The following IRGM variants were observed in gnomAD, a reference collection of about 807,000 sequenced individuals.
IRGM encodes immunity related GTPase M.
For synonymous variants in IRGM, 98 were observed against 80.6 expected, an observed-to-expected ratio of 1.22 and a Z score of -1.16; for missense variants, 288 against 219.9, an observed-to-expected ratio of 1.31 and a Z score of -1.96.
At position 150,848,528 on chromosome 5, in the gene IRGM, G is replaced by A. The variant is rs571237774; in HGVS notation, c.405G>A (p.Glu135=). 1 of 1,551,802 alleles carries A rather than the reference G, an allele frequency of 6.4e-7. No homozygotes were observed. The highest frequency in any genetic ancestry group is 2.4e-5 in the East Asian group (1 of 41,060). Reference sequence around the variant, plus strand: ...ATGTGATGCTTGCCAAAACCGCTGAGGACATGGGAAAGAAGTTCTACATTG... The same window carrying A: ...ATGTGATGCTTGCCAAAACCGCTGAAGACATGGGAAAGAAGTTCTACATTG... ...MNHVMLAKTA[E]DMGKKFYIVW... The change falls in exon 2 of 2, where the codon GAG becomes GAA. Residue 135 remains glutamate (E), a synonymous_variant. Coordinates refer to ENST00000522154, the MANE Select transcript of IRGM (RefSeq NM_001145805.2).
chr5:150,868,022 T>C (rs1754231431), intron 1 of IRGM, among the ~76,000 whole-genome samples: 1 of 152,174 alleles, frequency 6.6e-6, no homozygotes, highest in Non-Finnish European at 1.5e-5. Context: ...CATTTGCTTT[T>C]GGGTTCTTGG....
At chr5:150,884,140 A>G (rs1178608212) in intron 3 of IRGM, among the ~76,000 whole-genome samples, 1 of 152,078 alleles carries the variant, frequency 6.6e-6, no homozygotes, top group Non-Finnish European at 1.5e-5. Context: ...ATGAAGGACA[A>G]AAGCCATATT....
intron 1 of IRGM, among the ~76,000 whole-genome samples, chr5:150,875,995 T>G (rs1754357209): frequency 1.3e-5 from 2 of 152,198 alleles, no homozygotes; most frequent in Admixed American, 1.3e-4. Context: ...TTATCCACCA[T>G]CCACCATCAT....
intron 1 of IRGM, among the ~76,000 whole-genome samples, chr5:150,857,162 A>G (rs1754070031): frequency 6.6e-6 from 1 of 151,286 alleles, no homozygotes; most frequent in Non-Finnish European, 1.5e-5. Context: ...TTTCCCACCT[A>G]TGAGTGAGAA....
intron 3 of IRGM, chr5:150,898,069 C>G: frequency 6.2e-7 from 1 of 1,610,362 alleles, no homozygotes; most frequent in Non-Finnish European, 8.5e-7. Context: ...TCCCTTGTCT[C>G]CCATCTGCCT....
intron 1 of IRGM, among the ~76,000 whole-genome samples, chr5:150,865,325 G>A (rs1030624609): frequency 2.6e-5 from 4 of 151,686 alleles, no homozygotes; most frequent in African/African-American, 9.7e-5. Context: ...ACTAAAACAG[G>A]CAGGAGAAAT....
intron 3 of IRGM, chr5:150,895,496 T>C (rs1754723092): frequency 1.2e-6 from 2 of 1,613,342 alleles, no homozygotes; most frequent in Non-Finnish European, 1.7e-6. Context: ...CCTTCCCACA[T>C]ATAGCACATT....
rs116792954 is a variant in IRGM, at chr5:150,870,568, C to T, written c.159-7412C>T. On this transcript the variant is annotated intron_variant and NMD_transcript_variant, in intron 1 of 3. Transcript: ENST00000520549. ...TTCAGCACAAGGAAGGCAAGCTCTTCCTGCTTTCAAGATGATGGACAGCAG... is the reference window on the plus strand; with the variant it reads ...TTCAGCACAAGGAAGGCAAGCTCTTTCTGCTTTCAAGATGATGGACAGCAG... Among the ~76,000 whole-genome samples, 500 of 144,638 alleles carry T rather than the reference C, an allele frequency of 3.5e-3. 4 individuals carry two copies. Among genetic ancestry groups the T allele is most frequent in the African/African-American group, 0.012 (479 of 38,738 alleles). The allele number at this position is 144,638 out of a possible 152,430, so 94.9% of individuals were successfully genotyped here. A position where few individuals can be genotyped will look rare whatever the true frequency, so the allele number is the denominator to read the frequency against.
chr5:150,852,416 A>G (rs1277648), downstream of IRGM, among the ~76,000 whole-genome samples: 6,523 of 152,246 alleles, frequency 0.043, 201 homozygotes, highest in Non-Finnish European at 0.067. Context: ...TTTCTACCTA[A>G]GTTGCACAGG....
chr5:150,897,986 G>A (rs1418059574), intron 3 of IRGM: 2 of 1,519,054 alleles, frequency 1.3e-6, no homozygotes, highest in Non-Finnish European at 1.8e-6. Flanking sequence ...CAAAGAATAG[G>A]AGATTTTGAT....
At chr5:150,858,066 G>A (rs564679350) in intron 1 of IRGM, among the ~76,000 whole-genome samples, 6 of 152,268 alleles carry the variant, frequency 3.9e-5, no homozygotes, top group African/African-American at 1.4e-4. Flanking sequence ...TAGGTCTAAT[G>A]TTTAAGTCTT....
In IRGM at chr5:150,848,253, A is replaced by G. The variant is rs1753910354; in HGVS notation, c.130A>G (p.Asn44Asp). Reference sequence around the variant, plus strand: ...CATCACTATGGCAGGGGACTCTGGCAATGGGATGTCCACCTTCATCAGTGC... The same window carrying G: ...CATCACTATGGCAGGGGACTCTGGCGATGGGATGTCCACCTTCATCAGTGC... Reference protein sequence around the residue: ...VNITMAGDSGNGMSTFISALR... With the variant: ...VNITMAGDSGDGMSTFISALR... Residue 44 changes from asparagine (N) to aspartate (D), a missense_variant, in exon 2 of 2, where the codon AAT becomes GAT. Transcript: ENST00000522154. The G allele has an allele frequency of 8.4e-6, 13 of 1,551,718 alleles. No individual in the cohort carries two copies. Among genetic ancestry groups the G allele is most frequent in the Non-Finnish European group, 1.1e-5 (13 of 1,146,996 alleles).
intron 3 of IRGM, among the ~76,000 whole-genome samples, chr5:150,893,544 C>T (rs772096376): frequency 6.6e-5 from 10 of 152,086 alleles, no homozygotes; most frequent in Admixed American, 1.3e-4. Context: ...ACTAATCACA[C>T]GTATTAGATA....
chr5:150,863,885 T>G (rs1484190850), intron 1 of IRGM, among the ~76,000 whole-genome samples: 1 of 152,204 alleles, frequency 6.6e-6, no homozygotes, highest in Non-Finnish European at 1.5e-5. Flanking sequence ...AGGGTCTTCC[T>G]GTTTAAGAGA....
chr5:150,901,634 A>G (rs1754998864), downstream of IRGM, among the ~76,000 whole-genome samples: 3 of 152,162 alleles, frequency 2.0e-5, no homozygotes, highest in South Asian at 6.2e-4. Flanking sequence ...CACAACGATA[A>G]TCATAATGAT....
chr5:150,860,967 G>A (rs1284711204), intron 1 of IRGM, among the ~76,000 whole-genome samples: 3 of 152,184 alleles, frequency 2.0e-5, no homozygotes, highest in African/African-American at 7.2e-5. Flanking sequence ...TGTCTGTCAA[G>A]ATTTTAAGAT....
At chr5:150,855,865 T>C (rs939204931) in intron 1 of IRGM, among the ~76,000 whole-genome samples, 9 of 152,180 alleles carry the variant, frequency 5.9e-5, no homozygotes, top group African/African-American at 2.2e-4. Context: ...ACAATATGTT[T>C]TGTAAAAGGG....
In IRGM at chr5:150,885,346, CATA is replaced by C. The variant is rs1412910200; in HGVS notation, c.*140+5703_*140+5705del. Among the ~76,000 whole-genome samples, 20 of 123,710 alleles carry C rather than the reference CATA, an allele frequency of 1.6e-4. No individual in the cohort carries two copies. The East Asian group carries it at 7.7e-3, about 48-fold the overall frequency. 81.2% of individuals were successfully genotyped at this position (123,710 alleles called of 152,430 possible). The stretch of plus-strand genomic sequence containing the variant: ...TGTAGTATAGTTTGAAGTTGGGTAA[CATA>C]ATGCCTCCAGCTTTGTTCTTTTTGT... On this transcript the variant is annotated intron_variant and NMD_transcript_variant, in intron 3 of 3. Coordinates refer to the IRGM transcript ENST00000520549.
chr5:150,855,079 A>C (rs1754032312), intron 1 of IRGM, among the ~76,000 whole-genome samples: 4 of 152,258 alleles, frequency 2.6e-5, no homozygotes, highest in South Asian at 2.1e-4. Context: ...GGAGGTTCTT[A>C]GCTTACCATT....
Sources: gnomAD v4.1 joint callset for allele counts (sites outside exome capture counted in the v4.1 genomes callset) on GRCh38, gnomAD v4.1.1 for gene constraint, MANE v1.5 for transcripts, NCBI Gene and HGNC (gene_info 2026-07-23, HGNC 2026-07-21) for gene names.